FARS2: variants seen among roughly 807,000 people sequenced by gnomAD.
The protein encoded by FARS2 is phenylalanyl-tRNA synthetase 2, mitochondrial.
In FARS2, 40 loss-of-function variants were observed where a neutral mutation model predicts 46.4. That is an observed-to-expected ratio of 0.86 (90% CI 0.67 to 1.12). FARS2 has a LOEUF of 1.12. FARS2 is among the 50% of genes most tolerant of loss of function. FARS2 has a pLI of 0.00. For synonymous variants in FARS2, 234 were observed against 214.9 expected, an observed-to-expected ratio of 1.09 and a Z score of -0.78; for missense variants, 513 against 567.9, an observed-to-expected ratio of 0.90 and a Z score of 0.98.
chr6:5,409,315 G>T (rs1281909096), intron 3 of FARS2, among the ~76,000 whole-genome samples: 1 of 152,120 alleles, frequency 6.6e-6, no homozygotes, highest in East Asian at 1.9e-4. Context: ...GCTGGGCGTG[G>T]TGGCACACGC....
chr6:5,313,048 A>T (rs762022116), intron 1 of FARS2, among the ~76,000 whole-genome samples: 1 of 152,150 alleles, frequency 6.6e-6, no homozygotes, highest in Non-Finnish European at 1.5e-5. Context: ...AGAGAGAGAA[A>T]AAGTGTGTGG....
Position 5,472,097 on chromosome 6 carries a change from G to A in FARS2, c.904+40925G>A, listed in dbSNP as rs143378436. Among the ~76,000 whole-genome samples, 578 of 152,094 alleles carry A rather than the reference G, an allele frequency of 3.8e-3. 4 individuals carry two copies. Among genetic ancestry groups the A allele is most frequent in the African/African-American group, 0.014 (562 of 41,452 alleles). On this transcript the variant is annotated intron_variant, in intron 4 of 6. Coordinates refer to ENST00000274680, the MANE Select transcript of FARS2 (RefSeq NM_006567.5). ...TTATAAAGCATGCTCAGCCCCCTCC[G>A]ACCTCATTGCTGCCTGACATATCCC...
chr6:5,481,671 G>A (rs748907342), intron 4 of FARS2, among the ~76,000 whole-genome samples: 1 of 152,140 alleles, frequency 6.6e-6, no homozygotes, highest in African/African-American at 2.4e-5. Context: ...CATTTGGCAT[G>A]CACAGCTTCA....
the FARS2 span, among the ~76,000 whole-genome samples, chr6:5,254,017 A>T: frequency 6.6e-6 from 1 of 152,168 alleles, no homozygotes; most frequent in Non-Finnish European, 1.5e-5. Flanking sequence ...ACTTGCATCA[A>T]AAAAAGGTCA....
chr6:5,279,595 A>T (rs1429237781), intron 1 of FARS2, among the ~76,000 whole-genome samples: 1 of 149,316 alleles, frequency 6.7e-6, no homozygotes, highest in Non-Finnish European at 1.5e-5. Flanking sequence ...TATTTTATAT[A>T]TATATAAAAT....
intron 2 of FARS2, among the ~76,000 whole-genome samples, chr6:5,380,365 C>T (rs1895643): frequency 0.22 from 32,890 of 152,084 alleles, 4,287 homozygotes; most frequent in East Asian, 0.41. Context: ...CAGTTAGAGA[C>T]GGTGTTTTTT....
At chr6:5,369,526 C>T (rs1758907873) in intron 2 of FARS2, among the ~76,000 whole-genome samples, 1 of 152,180 alleles carries the variant, frequency 6.6e-6, no homozygotes, top group Admixed American at 6.5e-5. Context: ...GAAGGTGCAA[C>T]ATGGAAACCT....
intron 6 of FARS2, among the ~76,000 whole-genome samples, chr6:5,619,323 A>G (rs1775641485): frequency 6.6e-6 from 1 of 152,058 alleles, no homozygotes; most frequent in Admixed American, 6.6e-5. Flanking sequence ...GTGGTGAAAA[A>G]TGCCCCAGGT....
intron 6 of FARS2, among the ~76,000 whole-genome samples, chr6:5,641,086 G>A (rs1358059910): frequency 6.6e-6 from 1 of 152,132 alleles, no homozygotes; most frequent in African/African-American, 2.4e-5. Flanking sequence ...GGAGTACTGT[G>A]AGAATAGCAA....
chr6:5,389,314 C>T (rs1448577793), intron 2 of FARS2, among the ~76,000 whole-genome samples: 1 of 152,170 alleles, frequency 6.6e-6, no homozygotes, highest in Admixed American at 6.5e-5. Context: ...TCCTCCTCCC[C>T]TCCCTTGCCA....
intron 5 of FARS2, chr6:5,610,311 T>TTAAA: frequency 3.4e-6 from 1 of 297,664 alleles, no homozygotes; most frequent in Non-Finnish European, 6.1e-6. Flanking sequence ...CAATTCTTTT[T>TTAAA]AAAAAAAAAA....
intron 6 of FARS2, among the ~76,000 whole-genome samples, chr6:5,616,710 G>T (rs900401872): frequency 7.9e-5 from 12 of 152,252 alleles, no homozygotes; most frequent in Admixed American, 5.2e-4. Context: ...TTGGATTTTG[G>T]ATCTTTAGAT....
At chr6:5,559,778 C>A (rs1271746349) in intron 5 of FARS2, among the ~76,000 whole-genome samples, 1 of 151,954 alleles carries the variant, frequency 6.6e-6, no homozygotes, top group Non-Finnish European at 1.5e-5. Flanking sequence ...GAATGTGGAA[C>A]TGATGCAAGG....
intron 4 of FARS2, among the ~76,000 whole-genome samples, chr6:5,445,169 A>G (rs1183122364): frequency 7.5e-6 from 1 of 133,308 alleles, no homozygotes; most frequent in Non-Finnish European, 1.6e-5. Context: ...TCTTCCTCTT[A>G]AAGAAATTCT....
At chr6:5,284,877 G>A (rs1766998539) in intron 1 of FARS2, among the ~76,000 whole-genome samples, 1 of 152,134 alleles carries the variant, frequency 6.6e-6, no homozygotes. Context: ...ACTGGCATGG[G>A]CCTCTCTCAA....
intron 1 of FARS2, among the ~76,000 whole-genome samples, chr6:5,305,877 G>T (rs1457811541): frequency 6.6e-6 from 1 of 152,130 alleles, no homozygotes; most frequent in Non-Finnish European, 1.5e-5. Flanking sequence ...GTCAGATGGG[G>T]GTATGAAGAT....
chr6:5,443,882 C>G (rs1237640485), intron 4 of FARS2, among the ~76,000 whole-genome samples: 1 of 152,196 alleles, frequency 6.6e-6, no homozygotes, highest in African/African-American at 2.4e-5. Context: ...CAAGTATTTC[C>G]TCTTCACCTC....
chr6:5,539,016 C>T (rs1283814359), intron 4 of FARS2, among the ~76,000 whole-genome samples: 1 of 152,082 alleles, frequency 6.6e-6, no homozygotes, highest in Non-Finnish European at 1.5e-5. Context: ...GAATGACCCC[C>T]TCAGTCACCT....
chr6:5,689,459 C>G (rs957809745), intron 6 of FARS2, among the ~76,000 whole-genome samples: 91 of 152,240 alleles, frequency 6.0e-4, no homozygotes, highest in African/African-American at 2.2e-3. Context: ...GTTATGTCCC[C>G]AGTAGTCATT....
Sources: gnomAD v4.1 joint callset for allele counts (sites outside exome capture counted in the v4.1 genomes callset) on GRCh38, gnomAD v4.1.1 for gene constraint, MANE v1.5 for transcripts, NCBI Gene and HGNC (gene_info 2026-07-23, HGNC 2026-07-21) for gene names.